The following ZNF700 variants were observed in gnomAD, a reference collection of about 807,000 sequenced individuals.
ZNF700 encodes zinc finger protein 700.
A neutral mutation model predicts 65.3 loss-of-function variants in ZNF700; 38 were observed. That is an observed-to-expected ratio of 0.58 (90% CI 0.45 to 0.76). ZNF700 has a LOEUF of 0.76. ZNF700 is among the 30% of genes least tolerant of loss of function. The pLI, the probability that ZNF700 is intolerant of heterozygous loss-of-function variation, is 0.00. For synonymous variants in ZNF700, 285 were observed against 290.4 expected (o/e 0.98, Z 0.19); for missense variants, 857 against 888.4 (o/e 0.96, Z 0.45).
intron 1 of ZNF700, among the ~76,000 whole-genome samples, chr19:11,941,529 G>A (rs913972371): frequency 2.0e-5 from 3 of 152,328 alleles, no homozygotes; most frequent in South Asian, 2.1e-4. Flanking sequence ...CTCTGCAGCC[G>A]CTGGCCCAGG....
rs981749993 is a variant in ZNF700, at chr19:11,927,037, T to C, written c.63+1764T>C. On this transcript the variant is annotated intron_variant, in intron 1 of 3. Coordinates refer to ENST00000254321, the MANE Select transcript of ZNF700 (RefSeq NM_144566.3). ...AAGGAATTCAAGACGAGTCACAAAG[T>C]GCAGTGAGAAGAGAGTTTATTGAAA... 2.0e-5 allele frequency among the ~76,000 whole-genome samples: 3 copies of C among 152,196 alleles called. No individual in the cohort carries two copies. The South Asian group carries it at 6.2e-4, about 32-fold the overall frequency.
rs1392256665 is a variant in ZNF700 at position 11,950,191 on chromosome 19, G to T, written c.2167G>T (p.Ala723Ser). Residue 723 changes from alanine (A) to serine (S), a missense_variant, in exon 4 of 4, where the codon GCA becomes TCA. Physicochemically the swap from Ala to Ser is moderately conservative, Grantham distance 99. Transcript: ENST00000254321. ...FNYFSSLHIH[A>S]RTHMGEKPYE... ...TTATTTTTCTTCCTTGCATATACAC[G>T]CAAGGACTCATATGGGAGAGAAGCC... is the stretch of plus-strand genomic sequence containing the variant. 4 of 1,613,758 alleles carry T rather than the reference G, an allele frequency of 2.5e-6. No homozygotes were observed. The highest frequency in any genetic ancestry group is 3.4e-6 in the Non-Finnish European group (4 of 1,179,922).
At chr19:11,937,096 A>C (rs1270676309) in intron 1 of ZNF700, among the ~76,000 whole-genome samples, 1 of 152,144 alleles carries the variant, frequency 6.6e-6, no homozygotes, top group Non-Finnish European at 1.5e-5. Flanking sequence ...AGTCCAATTT[A>C]TCGATTTTCT....
At chr19:11,937,489 C>T (rs203306) in intron 1 of ZNF700, among the ~76,000 whole-genome samples, 120,521 of 141,474 alleles carry the variant, frequency 0.85, 50,817 homozygotes, top group Middle Eastern at 0.88. Context: ...TTTTTTCTTT[C>T]CTTTTTTTTT....
At chr19:11,937,729 C>A (rs1224884021) in intron 1 of ZNF700, among the ~76,000 whole-genome samples, 3 of 151,942 alleles carry the variant, frequency 2.0e-5, no homozygotes, top group Non-Finnish European at 2.9e-5. Flanking sequence ...ACCTCATGAT[C>A]TGCCTGCCTC....
In ZNF700 at chr19:11,948,284, T is replaced by G; in HGVS notation, c.260T>G (p.Ile87Arg). ...TTTCTCATGTTTTACAGGAGTCTCA[T>G]AGAAGAGAAAGTCAATGAAATTAAA... ...QNPRRSFRSLIEEKVNEIKED... is the reference protein window; with the variant it reads ...QNPRRSFRSLREEKVNEIKED... The change falls in exon 4 of 4, where the codon ATA becomes AGA. Residue 87 changes from isoleucine (I) to arginine (R), a missense_variant. This residue lies in a region of ZNF700 where 603 missense variants were observed against 619.9 expected (regional missense o/e 0.97). Transcript: ENST00000254321. 2.5e-6 allele frequency: 4 copies of G among 1,612,920 alleles called. No homozygotes were observed. In the South Asian group the frequency reaches 3.3e-5, roughly 13 times the overall value.
At chr19:11,938,742 G>C (rs898302962) in intron 1 of ZNF700, among the ~76,000 whole-genome samples, 11 of 152,244 alleles carry the variant, frequency 7.2e-5, no homozygotes, top group African/African-American at 2.4e-4. Flanking sequence ...TATATACCCA[G>C]TAGTGGGATG....
chr19:11,927,296 G>A (rs1481771908), intron 1 of ZNF700, among the ~76,000 whole-genome samples: 1 of 152,002 alleles, frequency 6.6e-6, no homozygotes, highest in African/African-American at 2.4e-5. Flanking sequence ...AGAGGTTGCA[G>A]CCCAGCCGAG....
In ZNF700 at chr19:11,948,940, T is replaced by C; in HGVS notation, c.916T>C (p.Tyr306His). 1.2e-6 allele frequency: 2 copies of C among 1,608,356 alleles called. No individual in the cohort carries two copies. Among genetic ancestry groups the C allele is most frequent in the Non-Finnish European group, 1.7e-6 (2 of 1,178,784 alleles). The change falls in exon 4 of 4, where the codon TAT (tyrosine) becomes CAT (histidine). Residue 306 changes from tyrosine (Y) to histidine (H), a missense_variant. Tyr to His is a moderately conservative substitution (Grantham distance 83, BLOSUM62 2). Around this residue, in one of 3 missense-constraint regions of ZNF700, gnomAD observed 603 missense variants for 619.9 expected, o/e 0.97. Transcript: ENST00000254321. ...AAGAAGTCACATGGGAGAGAAGCCT[T>C]ATCAATGCAAAGAATGTGGAAAAGC... is the stretch of plus-strand genomic sequence containing the variant. ...HERSHMGEKPYQCKECGKAFA... is the reference protein window; with the variant it reads ...HERSHMGEKPHQCKECGKAFA...
intron 2 of ZNF700, 29 bp from the exon 3 acceptor site, chr19:11,947,485 A>G (rs1972978448): frequency 1.9e-6 from 3 of 1,610,248 alleles, no homozygotes; most frequent in Admixed American, 3.4e-5. Context: ...ATACTGCTTC[A>G]GGACTATTTT....
At chr19:11,927,523 A>C (rs1009800397) in intron 1 of ZNF700, among the ~76,000 whole-genome samples, 1 of 152,144 alleles carries the variant, frequency 6.6e-6, no homozygotes, top group African/African-American at 2.4e-5. Flanking sequence ...CTCATACAGC[A>C]AGTGGAGGAA....
chr19:11,937,813 C>A (rs1972820819), intron 1 of ZNF700, among the ~76,000 whole-genome samples: 1 of 151,924 alleles, frequency 6.6e-6, no homozygotes, highest in Non-Finnish European at 1.5e-5. Context: ...GTTCCTTGTG[C>A]CTCTCTGTCA....
At chr19:11,931,840 G>A in intron 1 of ZNF700, among the ~76,000 whole-genome samples, 1 of 148,228 alleles carries the variant, frequency 6.7e-6, no homozygotes, top group East Asian at 1.9e-4. Context: ...TAGTGGCCAG[G>A]CACGGTGGCT....
At chr19:11,938,480 C>T (rs928914143) in intron 1 of ZNF700, among the ~76,000 whole-genome samples, 43 of 152,008 alleles carry the variant, frequency 2.8e-4, no homozygotes, top group South Asian at 2.1e-4. Flanking sequence ...TGAGAATATG[C>T]GGTGTTTGGT....
intron 1 of ZNF700, among the ~76,000 whole-genome samples, chr19:11,938,012 T>C (rs1972823609): frequency 6.6e-6 from 1 of 152,152 alleles, no homozygotes; most frequent in Non-Finnish European, 1.5e-5. Flanking sequence ...GGAACACTAC[T>C]CATAAATGGG....
chr19:11,935,034 A>G (rs930431211), intron 1 of ZNF700, among the ~76,000 whole-genome samples: 5 of 145,724 alleles, frequency 3.4e-5, no homozygotes, highest in South Asian at 2.1e-4. Context: ...AAAATTAGCC[A>G]GGCATGGTGG....
In ZNF700 at chr19:11,948,496, G is replaced by C. The variant is rs777661326; in HGVS notation, c.472G>C (p.Glu158Gln). Residue 158 changes from glutamate (E) to glutamine (Q), a missense_variant, in exon 4 of 4, where the codon GAA becomes CAA. Glu to Gln is a conservative substitution (Grantham distance 29). Transcript: ENST00000254321. Reference sequence around the variant, plus strand: ...TGGACACAAGGCATATGAGTATCAGGAATATGGACCAAAGCCATATAAGTG... The same window carrying C: ...TGGACACAAGGCATATGAGTATCAGCAATATGGACCAAAGCCATATAAGTG... ...DTGHKAYEYQEYGPKPYKCQQ... is the reference protein window; with the variant it reads ...DTGHKAYEYQQYGPKPYKCQQ... 5.0e-6 allele frequency: 8 copies of C among 1,613,926 alleles called. No homozygotes were observed. Among genetic ancestry groups the C allele is most frequent in the Non-Finnish European group, 5.9e-6 (7 of 1,179,966 alleles).
Position 11,947,191 on chromosome 19 carries a change from C to T in ZNF700, c.74C>T (p.Ala25Val), listed in dbSNP as rs1972973377. 1 of 1,613,632 alleles carries T rather than the reference C, an allele frequency of 6.2e-7. No individual in the cohort carries two copies. Among genetic ancestry groups the T allele is most frequent in the South Asian group, 1.1e-5 (1 of 91,034 alleles). Residue 25 changes from alanine to valine, a missense_variant, in exon 2 of 4, where the codon GCC becomes GTC. Physicochemically the swap from Ala to Val is moderately conservative, Grantham distance 64 (BLOSUM62 0). Around this residue, in one of 3 missense-constraint regions of ZNF700, gnomAD observed 603 missense variants for 619.9 expected, o/e 0.97. Transcript: ENST00000254321. ...TGTGAGATGTTTCAGGACCCAGTGG[C>T]CTTTGAGGATGTGGCTGTGAACTTC... is the stretch of plus-strand genomic sequence containing the variant. ...TSESREMDPVAFEDVAVNFTQ... is the reference protein window; with the variant it reads ...TSESREMDPVVFEDVAVNFTQ...
rs747885395 is a variant in ZNF700 at position 11,949,214 on chromosome 19, A to G, written c.1190A>G (p.Lys397Arg). Residue 397 changes from lysine (K) to arginine (R), a missense_variant, in exon 4 of 4, where the codon AAA (lysine) becomes AGA (arginine). Lys to Arg is a conservative substitution (Grantham distance 26). This residue lies in a region of ZNF700 where 603 missense variants were observed against 619.9 expected (regional missense o/e 0.97). Transcript: ENST00000254321. ...EKRYKCKQCGKAFNLSSSFRY... is the reference protein window; with the variant it reads ...EKRYKCKQCGRAFNLSSSFRY... ...CGCTATAAATGCAAGCAATGTGGTA[A>G]AGCCTTCAATCTTTCCAGTTCCTTT... The G allele has an allele frequency of 1.9e-6, 3 of 1,613,720 alleles. No homozygotes were observed. Among genetic ancestry groups the G allele is most frequent in the East Asian group, 4.5e-5 (2 of 44,866 alleles).
Sources: gnomAD v4.1 joint callset for allele counts (sites outside exome capture counted in the v4.1 genomes callset) on GRCh38, gnomAD v4.1.1 for gene constraint, gnomAD v4.1.1 regional missense constraint, MANE v1.5 for transcripts, NCBI Gene and HGNC (gene_info 2026-07-23, HGNC 2026-07-21) for gene names.